BCKDHB: variants seen among roughly 807,000 people sequenced by gnomAD.
BCKDHB encodes branched chain keto acid dehydrogenase E1 subunit beta.
In BCKDHB, 41 loss-of-function variants were observed where a neutral mutation model predicts 48.5. The observed-to-expected ratio is 0.85, with a 90% confidence interval of 0.66 to 1.10. The LOEUF is 1.10. Among genes scored for constraint, BCKDHB ranks in the 50% least tolerant of loss-of-function variants. The pLI is 0.00. For missense variants in BCKDHB, 496 were observed against 494.2 expected (o/e 1.00, Z -0.03); for synonymous variants, 201 against 174.8 (o/e 1.15, Z -1.18).
At chr6:80,247,578 G>A (rs886380855) in intron 8 of BCKDHB, among the ~76,000 whole-genome samples, 2 of 152,160 alleles carry the variant, frequency 1.3e-5, no homozygotes, top group Admixed American at 1.3e-4. Flanking sequence ...ATGTCTTTAC[G>A]ATTCATTTAA....
At chr6:80,444,107 C>T in the BCKDHB span, among the ~76,000 whole-genome samples, 1 of 151,904 alleles carries the variant, frequency 6.6e-6, no homozygotes, top group South Asian at 2.1e-4. Flanking sequence ...TTTTAGTTAG[C>T]TAGAAAATAG....
At chr6:80,298,999 A>T (rs987746118) in intron 9 of BCKDHB, among the ~76,000 whole-genome samples, 1 of 152,178 alleles carries the variant, frequency 6.6e-6, no homozygotes, top group African/African-American at 2.4e-5. Flanking sequence ...AAGGCAGATT[A>T]ATCCAAAGAG....
chr6:80,198,031 G>A (rs956399647), intron 6 of BCKDHB, among the ~76,000 whole-genome samples: 1 of 152,066 alleles, frequency 6.6e-6, no homozygotes, highest in Non-Finnish European at 1.5e-5. Flanking sequence ...ATCAATGAAT[G>A]GGCTAGAATT....
intron 7 of BCKDHB, among the ~76,000 whole-genome samples, chr6:80,201,407 C>A (rs1774389746): frequency 6.6e-6 from 1 of 152,000 alleles, no homozygotes; most frequent in Non-Finnish European, 1.5e-5. Context: ...ACTTCCTCAT[C>A]TTATAACTGA....
the BCKDHB span, among the ~76,000 whole-genome samples, chr6:80,430,162 T>TA: frequency 1.3e-5 from 2 of 152,320 alleles, no homozygotes; most frequent in South Asian, 4.1e-4. Flanking sequence ...CACGATAGAT[T>TA]ACGGTTATTG....
chr6:80,142,059 C>G (rs979773957), intron 3 of BCKDHB, among the ~76,000 whole-genome samples: 6 of 151,972 alleles, frequency 3.9e-5, no homozygotes, highest in Admixed American at 2.0e-4. Flanking sequence ...TTTTGCACAT[C>G]AAGACCAGTG....
At chr6:80,456,544 A>G in the BCKDHB span, among the ~76,000 whole-genome samples, 1 of 152,206 alleles carries the variant, frequency 6.6e-6, no homozygotes, top group African/African-American at 2.4e-5. Flanking sequence ...CCGCTTCTCC[A>G]TCACTTACCA....
intron 3 of BCKDHB, among the ~76,000 whole-genome samples, chr6:80,161,451 G>A (rs1304605048): frequency 1.3e-5 from 2 of 152,010 alleles, no homozygotes; most frequent in East Asian, 3.9e-4. Flanking sequence ...AAAAAAAAAT[G>A]TGATTTCTAA....
the BCKDHB span, chr6:80,374,563 G>A: frequency 1.5e-6 from 1 of 678,626 alleles, no homozygotes; most frequent in Admixed American, 2.0e-5. Flanking sequence ...AGTGTATAGG[G>A]CACCATTTTC....
At chr6:80,302,428 ATGT>A (rs966981385) in intron 9 of BCKDHB, among the ~76,000 whole-genome samples, 3 of 152,116 alleles carry the variant, frequency 2.0e-5, no homozygotes, top group Non-Finnish European at 2.9e-5. Flanking sequence ...TTTTGCAATG[ATGT>A]TGTGAGGATG....
chr6:80,196,646 ATATT>A (rs1208277710), intron 6 of BCKDHB, among the ~76,000 whole-genome samples: 2 of 152,160 alleles, frequency 1.3e-5, no homozygotes, highest in African/African-American at 4.8e-5. Context: ...GTATATATAT[ATATT>A]ATTTACACAC....
At chr6:80,258,309 AAACGGTCATC>A (rs538972876) in intron 8 of BCKDHB, among the ~76,000 whole-genome samples, 55 of 152,278 alleles carry the variant, frequency 3.6e-4, no homozygotes, top group African/African-American at 1.3e-3. Flanking sequence ...GCCTGAGGAG[AAACGGTCATC>A]AAGCTGAGTC....
At chr6:80,358,225 C>T in the BCKDHB span, among the ~76,000 whole-genome samples, 531 of 152,052 alleles carry the variant, frequency 3.5e-3, 1 homozygote, top group Non-Finnish European at 6.0e-3. Context: ...TTGTTTTTCT[C>T]ACAGCATCCT....
At chr6:80,142,342 A>T (rs1771262477) in intron 3 of BCKDHB, among the ~76,000 whole-genome samples, 1 of 152,146 alleles carries the variant, frequency 6.6e-6, no homozygotes, top group Admixed American at 6.6e-5. Context: ...TGAGTTATAA[A>T]TACTGTCTAT....
At chr6:80,449,681 A>T in the BCKDHB span, among the ~76,000 whole-genome samples, 1 of 152,118 alleles carries the variant, frequency 6.6e-6, no homozygotes, top group Admixed American at 6.6e-5. Flanking sequence ...GAGGGTCATC[A>T]TGTCTGGTTG....
chr6:80,258,176 TAAAAC>T (rs1168406816), intron 8 of BCKDHB, among the ~76,000 whole-genome samples: 2 of 152,196 alleles, frequency 1.3e-5, no homozygotes, highest in Non-Finnish European at 2.9e-5. Context: ...CTGTGTTGTT[TAAAAC>T]AAAACAAAAC....
intron 8 of BCKDHB, among the ~76,000 whole-genome samples, chr6:80,261,113 C>T (rs1409546903): frequency 2.0e-5 from 3 of 152,146 alleles, no homozygotes; most frequent in Non-Finnish European, 4.4e-5. Flanking sequence ...ATATTTGTTT[C>T]GTGACTCTTG....
chr6:80,148,769 T>G (rs1362273298), intron 3 of BCKDHB, among the ~76,000 whole-genome samples: 1 of 152,150 alleles, frequency 6.6e-6, no homozygotes, highest in Non-Finnish European at 1.5e-5. Flanking sequence ...TAGCCATATG[T>G]AGAAAGCTGA....
At chr6:80,449,522 G>C in the BCKDHB span, among the ~76,000 whole-genome samples, 13 of 152,106 alleles carry the variant, frequency 8.5e-5, no homozygotes, top group African/African-American at 3.1e-4. Flanking sequence ...ATGAGGCAAG[G>C]TTATGTCGAG....
Sources: gnomAD v4.1 joint callset for allele counts (sites outside exome capture counted in the v4.1 genomes callset) on GRCh38, gnomAD v4.1.1 for gene constraint, MANE v1.5 for transcripts, NCBI Gene and HGNC (gene_info 2026-07-23, HGNC 2026-07-21) for gene names.